The following ATP13A4 variants were observed in gnomAD, a reference collection of about 807,000 sequenced individuals.
ATP13A4 encodes the protein ATPase 13A4.
A neutral mutation model predicts 142.5 loss-of-function variants in ATP13A4; 114 were observed. The observed-to-expected ratio is 0.80, with a 90% CI of 0.69 to 0.93. The LOEUF (loss-of-function observed/expected upper bound fraction) is 0.93, where lower values mean the gene tolerates loss of function less well. Among genes scored for constraint, ATP13A4 ranks in the 40% least tolerant of loss-of-function variants. The pLI is 0.00. For missense variants in ATP13A4, 1,392 were observed against 1,454.0 expected (o/e 0.96, Z 0.69); for synonymous variants, 488 against 514.8 (o/e 0.95, Z 0.70).
chr3:193,414,621 A>T lies in ATP13A4; in HGVS notation c.2972T>A (p.Ile991Asn). 1 of 1,614,142 alleles carries T rather than the reference A, an allele frequency of 6.2e-7. No individual in the cohort carries two copies. Among genetic ancestry groups the T allele is most frequent in the Non-Finnish European group, 8.5e-7 (1 of 1,179,994 alleles). ...LSLAMHIAGF[I>N]LVQRQPWYSV... is the part of the protein sequence containing the mutation. ...ATACCAAGGCTGCCTCTGAACCAGGATGAAGCCTGCAATATGCATGGCCAG... is the reference window on the plus strand; with the variant it reads ...ATACCAAGGCTGCCTCTGAACCAGGTTGAAGCCTGCAATATGCATGGCCAG... Residue 991 changes from isoleucine to asparagine, a missense_variant, in exon 26 of 30, where the codon ATC becomes AAC. By Grantham distance (149) the Ile-to-Asn change is moderately radical. Coordinates refer to ENST00000342695, the MANE Select transcript of ATP13A4 (RefSeq NM_032279.4).
Position 193,402,704 on chromosome 3 carries a change from C to G in ATP13A4, c.3539G>C (p.Arg1180Thr), listed in dbSNP as rs753082368. The G allele has an allele frequency of 4.3e-6, 6 of 1,388,328 alleles. No homozygotes were observed. The highest frequency in any genetic ancestry group is 6.2e-6 in the Non-Finnish European group (6 of 974,186). The allele number at this position is 1,388,328 out of a possible 1,614,324, so 86.0% of individuals were successfully genotyped here. A position where few individuals can be genotyped will look rare whatever the true frequency, so the allele number is the denominator to read the frequency against. The change falls in exon 30 of 30, where the codon AGA becomes ACA. Residue 1180 changes from arginine (R) to threonine (T), a missense_variant. Physicochemically the swap from Arg to Thr is moderately conservative, Grantham distance 71. Coordinates refer to ENST00000342695, the MANE Select transcript of ATP13A4 (RefSeq NM_032279.4). ...TSHSDMPECG[R>T]GVSYSNPVFE... ...TACTGGATTGCTGTAAGACACTCCT[C>G]TGCCACACTCCGGCATGTCAGAGTG...
At chr3:193,520,506 C>A (rs1721660125) in intron 1 of ATP13A4, among the ~76,000 whole-genome samples, 1 of 152,102 alleles carries the variant, frequency 6.6e-6, no homozygotes, top group Non-Finnish European at 1.5e-5. Context: ...TGAAAAGATG[C>A]TAAAGGTAAG....
intron 25 of ATP13A4, chr3:193,418,921 C>A (rs1183226805): frequency 6.6e-6 from 1 of 150,728 alleles, no homozygotes; most frequent in African/African-American, 2.4e-5. Flanking sequence ...CCCTGATCTG[C>A]CGCTACATCT....
intron 2 of ATP13A4, among the ~76,000 whole-genome samples, chr3:193,573,260 C>CAT (rs373692119): frequency 0.013 from 1,057 of 78,980 alleles, 62 homozygotes; most frequent in African/African-American, 0.047. Flanking sequence ...ATACCACAGC[C>CAT]ATATATATAT....
At chr3:193,458,900 T>A (rs942846109) in intron 14 of ATP13A4, 181 bp downstream of exon 14, 1 of 759,896 alleles carries the variant, frequency 1.3e-6, no homozygotes, top group Non-Finnish European at 2.3e-6. Flanking sequence ...ATTATGTAGA[T>A]GCTATTATTA....
chr3:193,441,011 C>CTA (rs1047420739), intron 20 of ATP13A4, among the ~76,000 whole-genome samples: 6 of 150,158 alleles, frequency 4.0e-5, no homozygotes, highest in Non-Finnish European at 5.9e-5. Context: ...ATCTCTCTCT[C>CTA]TCTCTCTATA....
chr3:193,406,935 A>G (rs944588766), intron 29 of ATP13A4, among the ~76,000 whole-genome samples: 1 of 152,184 alleles, frequency 6.6e-6, no homozygotes, highest in African/African-American at 2.4e-5. Flanking sequence ...AGTAGCGTTA[A>G]TGGCTGTACA....
At chr3:193,520,211 G>C (rs182345645) in intron 1 of ATP13A4, among the ~76,000 whole-genome samples, 165 of 152,232 alleles carry the variant, frequency 1.1e-3, no homozygotes, top group African/African-American at 3.8e-3. Context: ...AAGGGCAAGA[G>C]AGAAGGAGGG....
chr3:193,410,205 C>T (rs758263912), intron 28 of ATP13A4, among the ~76,000 whole-genome samples: 5 of 151,766 alleles, frequency 3.3e-5, no homozygotes, highest in African/African-American at 7.3e-5. Flanking sequence ...AAAAATATGG[C>T]TCTTGGAAAG....
chr3:193,427,016 C>A (rs747612822), intron 25 of ATP13A4, among the ~76,000 whole-genome samples: 8 of 151,864 alleles, frequency 5.3e-5, no homozygotes, highest in Non-Finnish European at 8.8e-5. Flanking sequence ...AAATAAAAAA[C>A]TTGGACATTA....
chr3:193,401,744 T>G lies in ATP13A4; in HGVS notation c.*908A>C, dbSNP rs1480158420. ...GAAACAGCAGAGTGTTAAAGCCAAGTGTGGGGACCTTCTAAGCATGGGGCC... is the reference window on the plus strand; with the variant it reads ...GAAACAGCAGAGTGTTAAAGCCAAGGGTGGGGACCTTCTAAGCATGGGGCC... On this transcript the variant is annotated 3_prime_UTR_variant, in exon 30 of 30. Transcript: ENST00000342695. Among the ~76,000 whole-genome samples, 1 of 152,172 alleles carries G rather than the reference T, an allele frequency of 6.6e-6. No homozygotes were observed. The highest frequency in any genetic ancestry group is 2.1e-4 in the South Asian group (1 of 4,830).
intron 13 of ATP13A4, among the ~76,000 whole-genome samples, chr3:193,460,824 C>T (rs558708311): frequency 8.2e-4 from 125 of 152,298 alleles, no homozygotes; most frequent in Non-Finnish European, 1.5e-3. Context: ...CCATTTTTAT[C>T]TGAGTATTTC....
chr3:193,548,513 C>T lies in ATP13A4; in HGVS notation c.60+6227G>A, dbSNP rs1287242589. On this transcript the variant is annotated intron_variant, in intron 1 of 29. Coordinates refer to ENST00000342695, the MANE Select transcript of ATP13A4 (RefSeq NM_032279.4). ...TTAGACTTGGCCAGTGGCCCAGCTTCCTGAACATTTCAAATGACAAAATGT... is the reference window on the plus strand; with the variant it reads ...TTAGACTTGGCCAGTGGCCCAGCTTTCTGAACATTTCAAATGACAAAATGT... 2.6e-5 allele frequency among the ~76,000 whole-genome samples: 4 copies of T among 152,294 alleles called. No individual in the cohort carries two copies. In the East Asian group the frequency reaches 7.7e-4, roughly 29 times the overall value.
At chr3:193,474,138 T>C (rs549846942) in intron 8 of ATP13A4, among the ~76,000 whole-genome samples, 57 of 151,706 alleles carry the variant, frequency 3.8e-4, no homozygotes, top group African/African-American at 1.3e-3. Flanking sequence ...GTCAACATGA[T>C]GAAACCCCGT....
chr3:193,580,756 G>A (rs1179576619), intron 2 of ATP13A4, among the ~76,000 whole-genome samples: 1 of 152,096 alleles, frequency 6.6e-6, no homozygotes, highest in African/African-American at 2.4e-5. Context: ...GGAAAGGAAA[G>A]GTACGGTTTT....
At chr3:193,469,915 G>C (rs1718520984) in intron 9 of ATP13A4, among the ~76,000 whole-genome samples, 2 of 152,168 alleles carry the variant, frequency 1.3e-5, no homozygotes, top group South Asian at 4.1e-4. Context: ...AGCATTACAG[G>C]ATTTTTATGA....
chr3:193,579,773 C>T (rs13071027), intron 2 of ATP13A4, among the ~76,000 whole-genome samples: 10 of 152,198 alleles, frequency 6.6e-5, no homozygotes, highest in African/African-American at 2.4e-4. Flanking sequence ...GGTCTTGCGT[C>T]TCCTGCTCAA....
At chr3:193,574,241 G>A (rs1167443434) in intron 2 of ATP13A4, among the ~76,000 whole-genome samples, 3 of 152,202 alleles carry the variant, frequency 2.0e-5, no homozygotes, top group Non-Finnish European at 4.4e-5. Flanking sequence ...ATCACCACCC[G>A]TAGTGAAGGA....
At chr3:193,537,984 A>G (rs1722675993) in intron 1 of ATP13A4, among the ~76,000 whole-genome samples, 2 of 152,208 alleles carry the variant, frequency 1.3e-5, no homozygotes, top group South Asian at 4.1e-4. Context: ...GTAGCTATAA[A>G]AAAAACAAAA....
Sources: gnomAD v4.1 joint callset for allele counts (sites outside exome capture counted in the v4.1 genomes callset) on GRCh38, gnomAD v4.1.1 for gene constraint, MANE v1.5 for transcripts, NCBI Gene and HGNC (gene_info 2026-07-23, HGNC 2026-07-21) for gene names.